ESRRG: variants seen among roughly 807,000 people sequenced by gnomAD.
ESRRG encodes the protein estrogen related receptor gamma, also known as estrogen-related receptor gamma.
ESRRG carries 13 observed loss-of-function variants against 44.0 expected under a neutral mutation model. The ratio of observed to expected loss-of-function variants is 0.30; its 90% CI spans 0.19 to 0.47. The LOEUF is 0.47. ESRRG is among the 20% of genes least tolerant of loss of function. The pLI, the probability that ESRRG is intolerant of heterozygous loss-of-function variation, is 1.00. For missense variants in ESRRG, 395 were observed against 580.6 expected (o/e 0.68, Z 3.29); for synonymous variants, 215 against 214.6 (o/e 1.00, Z -0.02).
At chr1:216,783,568 C>T (rs754628069) in intron 2 of ESRRG, among the ~76,000 whole-genome samples, 1 of 152,016 alleles carries the variant, frequency 6.6e-6, no homozygotes, top group African/African-American at 2.4e-5. Flanking sequence ...TCTTCTCGTG[C>T]TAAAAGACTA....
intron 2 of ESRRG, among the ~76,000 whole-genome samples, chr1:216,735,879 T>C (rs955496002): frequency 6.6e-6 from 1 of 150,552 alleles, no homozygotes; most frequent in Non-Finnish European, 1.5e-5. Context: ...CTCGGGAGGC[T>C]GAGGCCGAGA....
At chr1:217,125,694 C>T (rs1395933227) in intron 1 of ESRRG, among the ~76,000 whole-genome samples, 1 of 152,134 alleles carries the variant, frequency 6.6e-6, no homozygotes, top group Non-Finnish European at 1.5e-5. Flanking sequence ...GTAAGAACAA[C>T]CTCACTGAAC....
At chr1:217,009,768 C>A (rs2078277782) in intron 1 of ESRRG, among the ~76,000 whole-genome samples, 1 of 143,406 alleles carries the variant, frequency 7.0e-6, no homozygotes, top group Non-Finnish European at 1.5e-5. Context: ...TGCAGTGGCA[C>A]AGTCTTGGCT....
chr1:216,738,612 A>G (rs2090277173), intron 2 of ESRRG, among the ~76,000 whole-genome samples: 1 of 152,166 alleles, frequency 6.6e-6, no homozygotes, highest in Non-Finnish European at 1.5e-5. Context: ...AGAAAATAAC[A>G]GTCAAACAGA....
intron 1 of ESRRG, among the ~76,000 whole-genome samples, chr1:217,105,527 GC>G (rs1365958758): frequency 6.6e-6 from 1 of 152,118 alleles, no homozygotes; most frequent in Non-Finnish European, 1.5e-5. Context: ...GCTCCTGAAT[GC>G]TGACCCTGTG....
intron 2 of ESRRG, among the ~76,000 whole-genome samples, chr1:216,839,528 T>G (rs10779281): frequency 0.73 from 111,399 of 152,100 alleles, 41,022 homozygotes; most frequent in African/African-American, 0.78. Context: ...AAATCCTTCA[T>G]AAGAATCACT....
At chr1:216,914,536 G>GA (rs960524081) in intron 2 of ESRRG, among the ~76,000 whole-genome samples, 4 of 151,858 alleles carry the variant, frequency 2.6e-5, no homozygotes, top group African/African-American at 7.2e-5. Context: ...ATCTCAGTAT[G>GA]AAAAAAAAGA....
chr1:216,759,682 C>T (rs1455526978), intron 2 of ESRRG, among the ~76,000 whole-genome samples: 1 of 152,094 alleles, frequency 6.6e-6, no homozygotes, highest in Non-Finnish European at 1.5e-5. Context: ...GTCCCAAGCA[C>T]TAGGTAGGCA....
intron 2 of ESRRG, among the ~76,000 whole-genome samples, chr1:216,845,349 G>T (rs895049570): frequency 6.6e-6 from 1 of 152,048 alleles, no homozygotes; most frequent in Non-Finnish European, 1.5e-5. Context: ...TCAAAATAGG[G>T]TTATAGATGA....
intron 3 of ESRRG, among the ~76,000 whole-genome samples, chr1:216,592,375 G>A (rs1181731473): frequency 6.6e-6 from 1 of 151,934 alleles, no homozygotes; most frequent in Non-Finnish European, 1.5e-5. Context: ...ACTCCAAAAA[G>A]TTACTGTTGC....
intron 1 of ESRRG, among the ~76,000 whole-genome samples, chr1:217,069,379 A>G (rs2090250775): frequency 6.6e-6 from 1 of 151,470 alleles, no homozygotes; most frequent in Non-Finnish European, 1.5e-5. Context: ...TACCCTTTGT[A>G]TATATATAAT....
intron 2 of ESRRG, among the ~76,000 whole-genome samples, chr1:216,932,278 G>C (rs2063468721): frequency 6.6e-6 from 1 of 151,960 alleles, no homozygotes; most frequent in African/African-American, 2.4e-5. Flanking sequence ...GGTTAATATT[G>C]TTAGTACACA....
intron 3 of ESRRG, among the ~76,000 whole-genome samples, chr1:216,616,444 T>G (rs1033868057): frequency 1.3e-5 from 2 of 152,200 alleles, no homozygotes; most frequent in African/African-American, 4.8e-5. Context: ...TTAAAAAAAT[T>G]TTAGAAAGGT....
At chr1:216,799,537 C>A (rs1388653970) in intron 2 of ESRRG, among the ~76,000 whole-genome samples, 1 of 151,872 alleles carries the variant, frequency 6.6e-6, no homozygotes, top group African/African-American at 2.4e-5. Flanking sequence ...TTAATCCATA[C>A]AAAAGAAGAC....
At chr1:216,768,635 A>G (rs969912896) in intron 2 of ESRRG, among the ~76,000 whole-genome samples, 2 of 152,072 alleles carry the variant, frequency 1.3e-5, no homozygotes, top group Admixed American at 6.6e-5. Flanking sequence ...GACTACTGGC[A>G]TGCGCCACCA....
At chr1:216,539,828 T>C (rs775237612) in intron 5 of ESRRG, among the ~76,000 whole-genome samples, 9 of 151,842 alleles carry the variant, frequency 5.9e-5, no homozygotes, top group Non-Finnish European at 1.2e-4. Flanking sequence ...TGTCTCACCT[T>C]TGACGCAAAA....
At chr1:216,564,117 T>G in intron 5 of ESRRG, 102 bp downstream of exon 5, 2 of 606,966 alleles carry the variant, frequency 3.3e-6, no homozygotes, top group Non-Finnish European at 5.4e-6. Context: ...AAGGGTTTTT[T>G]TAAGTCTAAA....
At chr1:216,688,864 C>T (rs532489441) in intron 1 of ESRRG, among the ~76,000 whole-genome samples, 1 of 152,012 alleles carries the variant, frequency 6.6e-6, no homozygotes, top group African/African-American at 2.4e-5. Context: ...TAAGGAAACT[C>T]GAGAGAGTGG....
intron 2 of ESRRG, among the ~76,000 whole-genome samples, chr1:216,779,518 A>AATATAAATATATATT (rs1491306328): frequency 8.9e-4 from 30 of 33,608 alleles, no homozygotes; most frequent in Admixed American, 2.6e-3. Context: ...ATATTTATAA[A>AATATAAATATATATT]TATAAATATA....
Sources: allele counts gnomAD v4.1 joint callset (sites outside exome capture counted in the v4.1 genomes callset), GRCh38; gene constraint gnomAD v4.1.1; transcripts MANE v1.5; gene names NCBI Gene and HGNC (gene_info 2026-07-23, HGNC 2026-07-21).